The following PTTG1IP2 variants were observed in gnomAD, a reference collection of about 807,000 sequenced individuals.
The protein encoded by PTTG1IP2 is PTTG1IP family member 2.
At chr7:90,480,729 T>C (rs1035969417) in intron 2 of PTTG1IP2, among the ~76,000 whole-genome samples, 1 of 152,166 alleles carries the variant, frequency 6.6e-6, no homozygotes, top group African/African-American at 2.4e-5. Flanking sequence ...TTTGTTTGAA[T>C]CACATTCATA....
At chr7:90,497,099 G>A (rs558052724) in intron 6 of PTTG1IP2, among the ~76,000 whole-genome samples, 1 of 152,100 alleles carries the variant, frequency 6.6e-6, no homozygotes, top group East Asian at 1.9e-4. Flanking sequence ...TTGTTTTGTG[G>A]CCTAACATAT....
intron 6 of PTTG1IP2, among the ~76,000 whole-genome samples, chr7:90,507,907 G>A (rs1278443543): frequency 6.6e-6 from 1 of 152,014 alleles, no homozygotes; most frequent in East Asian, 1.9e-4. Context: ...GGTACCATAA[G>A]GCACTTGAGA....
At position 90,510,709 on chromosome 7, in the gene PTTG1IP2, C is replaced by T. The variant is rs148110321; in HGVS notation, c.*51-2569C>T. 7.6e-4 allele frequency among the ~76,000 whole-genome samples: 116 copies of T among 152,336 alleles called. 1 individual carries two copies. Among genetic ancestry groups the T allele is most frequent in the African/African-American group, 2.7e-3 (112 of 41,568 alleles). ...CAAGAACTTTTATTATAGAAATCCACAGGCAGGCAATGTAAAAAAGCAAAT... is the reference window on the plus strand; with the variant it reads ...CAAGAACTTTTATTATAGAAATCCATAGGCAGGCAATGTAAAAAAGCAAAT... On this transcript the variant is annotated intron_variant, in intron 6 of 6. Coordinates refer to ENST00000509356, the MANE Select transcript of PTTG1IP2 (RefSeq NM_001365443.2).
intron 6 of PTTG1IP2, among the ~76,000 whole-genome samples, chr7:90,505,775 G>A (rs1174524128): frequency 6.6e-6 from 1 of 151,756 alleles, no homozygotes; most frequent in Non-Finnish European, 1.5e-5. Context: ...ATGAGGTCAG[G>A]AGATCGAGAC....
chr7:90,472,070 A>G (rs971098800), intron 1 of PTTG1IP2, among the ~76,000 whole-genome samples: 4 of 152,136 alleles, frequency 2.6e-5, no homozygotes, highest in African/African-American at 7.2e-5. Context: ...AATGGAGTGA[A>G]TAGAACATAA....
At chr7:90,508,021 G>A (rs1222499896) in intron 6 of PTTG1IP2, among the ~76,000 whole-genome samples, 1 of 152,004 alleles carries the variant, frequency 6.6e-6, no homozygotes, top group Non-Finnish European at 1.5e-5. Context: ...ACTTTGGGAG[G>A]CTGAGGTGGG....
At chr7:90,506,515 C>A (rs1021677987) in intron 6 of PTTG1IP2, among the ~76,000 whole-genome samples, 1 of 152,130 alleles carries the variant, frequency 6.6e-6, no homozygotes, top group African/African-American at 2.4e-5. Context: ...GTAATCCCAG[C>A]ACTTTGGGAG....
chr7:90,508,140 G>A (rs563682540), intron 6 of PTTG1IP2, among the ~76,000 whole-genome samples: 32 of 151,734 alleles, frequency 2.1e-4, no homozygotes, highest in Non-Finnish European at 2.2e-4. Context: ...GGTGGTGCAC[G>A]CCTATAGTCC....
Position 90,487,838 on chromosome 7 carries a change from C to T in PTTG1IP2, c.286+418C>T, listed in dbSNP as rs1347925199. On this transcript the variant is annotated intron_variant, in intron 3 of 6. Transcript: ENST00000509356. ...AACCCACTTAAAGAATGTTTGTATT[C>T]TTATGTCATTTTAGGAATTCCAGGA... Among the ~76,000 whole-genome samples, 9 of 152,248 alleles carry T rather than the reference C, an allele frequency of 5.9e-5. No individual in the cohort carries two copies. The South Asian group carries it at 1.9e-3, about 32-fold the overall frequency.
At chr7:90,476,253 A>G (rs1797746884) in intron 1 of PTTG1IP2, among the ~76,000 whole-genome samples, 1 of 152,236 alleles carries the variant, frequency 6.6e-6, no homozygotes, top group Admixed American at 6.5e-5. Flanking sequence ...AGCAATTTAA[A>G]TATGTCAAAT....
chr7:90,501,462 A>G (rs1397258161), intron 6 of PTTG1IP2, among the ~76,000 whole-genome samples: 1 of 152,152 alleles, frequency 6.6e-6, no homozygotes, highest in Non-Finnish European at 1.5e-5. Flanking sequence ...GAGACCAGGA[A>G]TTTGAGACCA....
intron 1 of PTTG1IP2, chr7:90,470,444 G>A (rs1413657921): frequency 2.0e-5 from 3 of 152,130 alleles, no homozygotes; most frequent in Non-Finnish European, 4.4e-5. Flanking sequence ...CTGGAAATAA[G>A]GTTTTAAGTA....
At chr7:90,501,210 A>G (rs955549108) in intron 6 of PTTG1IP2, among the ~76,000 whole-genome samples, 3 of 152,224 alleles carry the variant, frequency 2.0e-5, no homozygotes, top group Non-Finnish European at 4.4e-5. Flanking sequence ...AAGGAGATAC[A>G]GGCAGGTTTG....
chr7:90,484,027 G>A (rs1797841073), intron 2 of PTTG1IP2, among the ~76,000 whole-genome samples: 1 of 151,156 alleles, frequency 6.6e-6, no homozygotes, highest in Non-Finnish European at 1.5e-5. Flanking sequence ...ATTTCTTTCT[G>A]GATAGTTTTT....
At chr7:90,489,264 T>C (rs1295266380) in intron 4 of PTTG1IP2, among the ~76,000 whole-genome samples, 1 of 151,936 alleles carries the variant, frequency 6.6e-6, no homozygotes, top group Non-Finnish European at 1.5e-5. Flanking sequence ...TGGTTATGTT[T>C]TCTTTTCATG....
chr7:90,497,799 C>T (rs986083018), intron 6 of PTTG1IP2, among the ~76,000 whole-genome samples: 3 of 145,460 alleles, frequency 2.1e-5, no homozygotes, highest in Admixed American at 6.9e-5. Flanking sequence ...TTGGATAGAA[C>T]CCTGTGGATA....
rs1053522223 is a variant in PTTG1IP2, at chr7:90,486,981, G to C, written c.193-346G>C. On this transcript the variant is annotated intron_variant, in intron 2 of 6. Coordinates refer to ENST00000509356, the MANE Select transcript of PTTG1IP2 (RefSeq NM_001365443.2). ...AGCCCTTGGGCAAAAAAAGTCACAA[G>C]GTAGAGTTGTTCCTCACTTGAGGCA... Among the ~76,000 whole-genome samples the C allele has an allele frequency of 3.9e-5, 6 of 152,124 alleles. 1 individual carries two copies. The South Asian group carries it at 1.2e-3, about 31-fold the overall frequency.
At chr7:90,479,665 C>T (rs1270759426) in intron 2 of PTTG1IP2, among the ~76,000 whole-genome samples, 3 of 152,140 alleles carry the variant, frequency 2.0e-5, no homozygotes, top group Non-Finnish European at 4.4e-5. Flanking sequence ...ATTCCTTAAC[C>T]ACAGTGTAGA....
intron 6 of PTTG1IP2, among the ~76,000 whole-genome samples, chr7:90,501,253 A>T (rs1430563549): frequency 2.6e-5 from 4 of 152,260 alleles, no homozygotes; most frequent in African/African-American, 9.6e-5. Flanking sequence ...CAAATATCAC[A>T]TTAAAGCCAG....
Sources: allele counts gnomAD v4.1 joint callset (sites outside exome capture counted in the v4.1 genomes callset), GRCh38; gene constraint gnomAD v4.1.1; transcripts MANE v1.5; gene names NCBI Gene and HGNC (gene_info 2026-07-23, HGNC 2026-07-21).